The following TENM2 variants were observed in gnomAD, a reference collection of about 807,000 sequenced individuals.
The protein encoded by TENM2 is teneurin transmembrane protein 2.
In TENM2, 52 loss-of-function variants were observed where a neutral mutation model predicts 245.2. That is an observed-to-expected ratio of 0.21 (90% CI 0.17 to 0.27). TENM2 has a LOEUF of 0.27. TENM2 is among the 10% of genes least tolerant of loss of function. TENM2 has a pLI of 1.00. For synonymous variants in TENM2, 1,363 were observed against 1,438.9 expected (o/e 0.95, Z 1.19); for missense variants, 3,046 against 3,666.8 (o/e 0.83, Z 4.37).
At chr5:167,250,287 C>T in the TENM2 span, among the ~76,000 whole-genome samples, 118 of 152,200 alleles carry the variant, frequency 7.8e-4, 1 homozygote, top group East Asian at 0.022. Flanking sequence ...TGCCACTGCA[C>T]TCCAGCCTGG....
chr5:167,801,107 AAAATATATATATAT>A (rs1319828019), intron 2 of TENM2, among the ~76,000 whole-genome samples: 29 of 63,748 alleles, frequency 4.5e-4, no homozygotes, highest in African/African-American at 1.5e-3. Context: ...AAAAAAAAAA[AAAATATATATATAT>A]ATATATATAT....
chr5:167,261,053 T>C, the TENM2 span, among the ~76,000 whole-genome samples: 1 of 152,248 alleles, frequency 6.6e-6, no homozygotes, highest in South Asian at 2.1e-4. Flanking sequence ...CAAAGTATGG[T>C]CCCAGGACCA....
At chr5:167,226,343 A>G in the TENM2 span, among the ~76,000 whole-genome samples, 2 of 151,738 alleles carry the variant, frequency 1.3e-5, no homozygotes, top group Non-Finnish European at 2.9e-5. Context: ...GGTATGGTAT[A>G]TTTCCATTTT....
chr5:167,014,156 A>G, the TENM2 span, among the ~76,000 whole-genome samples: 894 of 16,032 alleles, frequency 0.056, 16 homozygotes, highest in Non-Finnish European at 0.13. Context: ...TTTTTTTTCT[A>G]AAATGATCAT....
chr5:167,166,979 C>T, the TENM2 span, among the ~76,000 whole-genome samples: 1 of 152,098 alleles, frequency 6.6e-6, no homozygotes, highest in Non-Finnish European at 1.5e-5. Flanking sequence ...GAACCTGGTG[C>T]CAAATTCCTA....
At chr5:167,942,512 C>G (rs1360757912) in intron 3 of TENM2, among the ~76,000 whole-genome samples, 1 of 152,090 alleles carries the variant, frequency 6.6e-6, no homozygotes, top group Admixed American at 6.5e-5. Context: ...TAGAAAGAAA[C>G]CTTTCTTCTA....
chr5:168,224,992 G>C (rs1166168753), intron 23 of TENM2, among the ~76,000 whole-genome samples: 3 of 152,178 alleles, frequency 2.0e-5, no homozygotes, highest in Non-Finnish European at 4.4e-5. Flanking sequence ...TCCACGGTGT[G>C]AGAAAAGAGG....
At chr5:167,087,309 G>A in the TENM2 span, among the ~76,000 whole-genome samples, 9 of 152,156 alleles carry the variant, frequency 5.9e-5, no homozygotes, top group South Asian at 2.1e-4. Flanking sequence ...CTCAACGCAC[G>A]TCACCTGTTT....
chr5:167,755,905 G>GT, intron 2 of TENM2, among the ~76,000 whole-genome samples: 1 of 152,280 alleles, frequency 6.6e-6, no homozygotes, highest in African/African-American at 2.4e-5. Flanking sequence ...TGTCTCATCA[G>GT]TATAAATGGA....
At chr5:168,249,727 C>T (rs1766928670) in intron 27 of TENM2, among the ~76,000 whole-genome samples, 1 of 151,998 alleles carries the variant, frequency 6.6e-6, no homozygotes. Context: ...CGTGTGGTGG[C>T]ATATGCCTGT....
intron 2 of TENM2, among the ~76,000 whole-genome samples, chr5:167,417,202 A>T (rs1763215798): frequency 6.6e-6 from 1 of 152,160 alleles, no homozygotes; most frequent in Non-Finnish European, 1.5e-5. Flanking sequence ...GTGTCCTTCC[A>T]GCTCACTAGC....
intron 2 of TENM2, among the ~76,000 whole-genome samples, chr5:167,453,591 C>T (rs1265635298): frequency 6.6e-6 from 1 of 152,088 alleles, no homozygotes; most frequent in Admixed American, 6.6e-5. Context: ...TAAGAAAAGC[C>T]ATTAAATTAG....
intron 3 of TENM2, among the ~76,000 whole-genome samples, chr5:167,903,060 C>T (rs986012967): frequency 6.6e-6 from 1 of 152,156 alleles, no homozygotes; most frequent in African/African-American, 2.4e-5. Flanking sequence ...ATACATATAT[C>T]ATAGCATCAC....
At chr5:167,280,744 GTCTA>G (rs148852752), upstream of TENM2, among the ~76,000 whole-genome samples, 5,894 of 123,620 alleles carry the variant, frequency 0.048, 197 homozygotes, top group Admixed American at 0.12. Flanking sequence ...CTATCTGTCT[GTCTA>G]TCTGTCTGTC....
intron 3 of TENM2, among the ~76,000 whole-genome samples, chr5:167,944,402 T>A (rs7735238): frequency 0.039 from 5,903 of 150,570 alleles, 398 homozygotes; most frequent in African/African-American, 0.13. Context: ...ACAATCTCCA[T>A]CTGAAGAATA....
chr5:167,079,065 C>G, the TENM2 span, among the ~76,000 whole-genome samples: 15 of 152,066 alleles, frequency 9.9e-5, no homozygotes, highest in Admixed American at 9.8e-4. Context: ...AGCATGCATG[C>G]TGGATTATTC....
At chr5:167,877,938 A>T (rs1773563347) in intron 3 of TENM2, among the ~76,000 whole-genome samples, 1 of 152,164 alleles carries the variant, frequency 6.6e-6, no homozygotes. Context: ...TTGTATTATG[A>T]AGGACAAGAG....
intron 2 of TENM2, among the ~76,000 whole-genome samples, chr5:167,757,365 G>A (rs1337384936): frequency 4.0e-5 from 6 of 151,850 alleles, no homozygotes; most frequent in African/African-American, 1.5e-4. Context: ...TCCTGTGTTA[G>A]TTTGCTGAGA....
chr5:168,216,317 AGGAGTTT>A (rs1209411154), intron 21 of TENM2, among the ~76,000 whole-genome samples: 2 of 152,236 alleles, frequency 1.3e-5, no homozygotes, highest in Admixed American at 1.3e-4. Context: ...ACCTTGAATT[AGGAGTTT>A]GTAACTACAA....
Sources: gnomAD v4.1 joint callset for allele counts (sites outside exome capture counted in the v4.1 genomes callset) on GRCh38, gnomAD v4.1.1 for gene constraint, MANE v1.5 for transcripts, NCBI Gene and HGNC (gene_info 2026-07-23, HGNC 2026-07-21) for gene names.